BACH2: variants seen among roughly 807,000 people sequenced by gnomAD.
BACH2 encodes transcription regulator protein BACH2.
In BACH2, 5 loss-of-function variants were observed where a neutral mutation model predicts 61.8. That is an observed-to-expected ratio of 0.08 (90% CI 0.04 to 0.17). The LOEUF (loss-of-function observed/expected upper bound fraction) is 0.17, where lower values mean the gene tolerates loss of function less well. Ranked by LOEUF, BACH2 falls within the 10% of genes least tolerant of loss-of-function variation. BACH2 has a pLI of 1.00. For missense variants in BACH2, 824 were observed against 1,091.1 expected, an observed-to-expected ratio of 0.76 and a Z score of 3.45; for synonymous variants, 446 against 440.1, an observed-to-expected ratio of 1.01 and a Z score of -0.17.
intron 3 of BACH2, among the ~76,000 whole-genome samples, chr6:90,213,500 C>T (rs1425943457): frequency 6.6e-6 from 1 of 152,146 alleles, no homozygotes; most frequent in Non-Finnish European, 1.5e-5. Flanking sequence ...TAGGGCTTCA[C>T]TGCCCACAGA....
At chr6:89,983,535 G>A (rs1440872097) in intron 6 of BACH2, among the ~76,000 whole-genome samples, 1 of 152,152 alleles carries the variant, frequency 6.6e-6, no homozygotes, top group Non-Finnish European at 1.5e-5. Context: ...CGGGTGTGGT[G>A]GCAGGCATCT....
intron 4 of BACH2, among the ~76,000 whole-genome samples, chr6:90,139,185 G>A (rs929439051): frequency 1.3e-5 from 2 of 152,086 alleles, no homozygotes; most frequent in Non-Finnish European, 2.9e-5. Context: ...TATGCCCATG[G>A]CTAAAATCTG....
At position 89,932,536 on chromosome 6, in the gene BACH2, C is replaced by G. The variant is rs925306997; in HGVS notation, c.2398G>C (p.Asp800His). The change falls in exon 9 of 9, where the codon GAC becomes CAC. Residue 800 changes from aspartate to histidine, a missense_variant. By Grantham distance (81) the Asp-to-His change is moderately conservative. Transcript: ENST00000257749. ...CTSGRRLEGT[D>H]PGTFSERGPP... The stretch of plus-strand genomic sequence containing the variant: ...CCTCTCTCTGAGAAGGTTCCCGGGT[C>G]AGTGCCTTCTAGTCTCCTCCCAGAG... 1 of 1,614,064 alleles carries G rather than the reference C, an allele frequency of 6.2e-7. No homozygotes were observed. The highest frequency in any genetic ancestry group is 8.5e-7 in the Non-Finnish European group (1 of 1,180,010).
intron 4 of BACH2, among the ~76,000 whole-genome samples, chr6:90,131,922 T>C (rs1443114882): frequency 1.3e-5 from 2 of 152,210 alleles, no homozygotes; most frequent in African/African-American, 2.4e-5. Context: ...CTAAATTAAG[T>C]GGAAACAGAG....
chr6:90,193,553 G>A (rs1768651423), intron 4 of BACH2, among the ~76,000 whole-genome samples: 1 of 152,176 alleles, frequency 6.6e-6, no homozygotes, highest in Non-Finnish European at 1.5e-5. Flanking sequence ...AAGCCACCCA[G>A]TCTGTGGTAC....
At chr6:89,939,463 C>T (rs1773261167) in intron 7 of BACH2, among the ~76,000 whole-genome samples, 1 of 152,112 alleles carries the variant, frequency 6.6e-6, no homozygotes, top group African/African-American at 2.4e-5. Flanking sequence ...TGTTTTAGGT[C>T]ATTAAGTTTT....
chr6:90,250,216 C>T (rs1329091857), intron 3 of BACH2, among the ~76,000 whole-genome samples: 2 of 152,150 alleles, frequency 1.3e-5, no homozygotes, highest in African/African-American at 4.8e-5. Flanking sequence ...ATTTAAAAAG[C>T]GAATCCTGTT....
chr6:90,069,951 A>G lies in BACH2; in HGVS notation c.-13+19010T>C, dbSNP rs1299112875. On this transcript the variant is annotated intron_variant, in intron 5 of 8. Coordinates refer to ENST00000257749, the MANE Select transcript of BACH2 (RefSeq NM_021813.4). ...AACCTTCGGAGAACTTGACTGGCAGAGGTGGGTGAGAAAGGACACTCCTCT... is the reference window on the plus strand; with the variant it reads ...AACCTTCGGAGAACTTGACTGGCAGGGGTGGGTGAGAAAGGACACTCCTCT... Among the ~76,000 whole-genome samples, 4 of 152,156 alleles carry G rather than the reference A, an allele frequency of 2.6e-5. No homozygotes were observed. In the East Asian group the frequency reaches 7.7e-4, roughly 29 times the overall value.
intron 6 of BACH2, among the ~76,000 whole-genome samples, chr6:90,005,214 A>C (rs1345146367): frequency 6.6e-6 from 1 of 151,718 alleles, no homozygotes; most frequent in African/African-American, 2.4e-5. Context: ...TGGGGGGAGG[A>C]GTGGCAGTTT....
intron 4 of BACH2, among the ~76,000 whole-genome samples, chr6:90,115,720 A>G (rs1319472806): frequency 6.6e-6 from 1 of 152,212 alleles, no homozygotes; most frequent in Non-Finnish European, 1.5e-5. Context: ...AATTATCAAT[A>G]GAGTAAACAG....
At chr6:90,122,012 T>G (rs1321965681) in intron 4 of BACH2, among the ~76,000 whole-genome samples, 1 of 152,206 alleles carries the variant, frequency 6.6e-6, no homozygotes, top group African/African-American at 2.4e-5. Flanking sequence ...CCCTTCCAAG[T>G]AAGAAAGGCT....
intron 6 of BACH2, among the ~76,000 whole-genome samples, chr6:89,969,799 A>C (rs1775260828): frequency 6.6e-6 from 1 of 152,196 alleles, no homozygotes; most frequent in South Asian, 2.1e-4. Flanking sequence ...GGAGCAAAAC[A>C]GATGGAAGAG....
chr6:90,135,469 T>C (rs1784240331), intron 4 of BACH2, among the ~76,000 whole-genome samples: 1 of 152,202 alleles, frequency 6.6e-6, no homozygotes, highest in Non-Finnish European at 1.5e-5. Flanking sequence ...AGCTCGCACC[T>C]GTAATCCCGG....
At chr6:90,050,804 C>G (rs1780008320) in intron 5 of BACH2, among the ~76,000 whole-genome samples, 1 of 150,350 alleles carries the variant, frequency 6.7e-6, no homozygotes, top group Non-Finnish European at 1.5e-5. Context: ...GAATCTTGCT[C>G]TGTCGCCCAG....
At chr6:90,124,293 G>A (rs1783759101) in intron 4 of BACH2, among the ~76,000 whole-genome samples, 1 of 152,154 alleles carries the variant, frequency 6.6e-6, no homozygotes, top group South Asian at 2.1e-4. Flanking sequence ...GATGCATTAT[G>A]AAGTATTAAA....
chr6:90,018,725 G>A (rs1778208768), intron 5 of BACH2, among the ~76,000 whole-genome samples: 1 of 152,270 alleles, frequency 6.6e-6, no homozygotes, highest in African/African-American at 2.4e-5. Context: ...CCTCTGTGAA[G>A]AATTATTAGT....
At chr6:90,257,706 T>C (rs1214851393) in intron 2 of BACH2, among the ~76,000 whole-genome samples, 1 of 152,204 alleles carries the variant, frequency 6.6e-6, no homozygotes, top group Non-Finnish European at 1.5e-5. Flanking sequence ...TCCCAATCTG[T>C]AGGCTGCTAC....
intron 5 of BACH2, among the ~76,000 whole-genome samples, chr6:90,016,137 C>CT (rs1778047180): frequency 6.6e-6 from 1 of 151,824 alleles, no homozygotes; most frequent in Admixed American, 6.6e-5. Flanking sequence ...TTCTTTTAAC[C>CT]TTTTTGTGTT....
At chr6:89,986,214 TCTGAG>T (rs1228846535) in intron 6 of BACH2, among the ~76,000 whole-genome samples, 1 of 148,366 alleles carries the variant, frequency 6.7e-6, no homozygotes, top group African/African-American at 2.6e-5. Context: ...TGTGTTAAAG[TCTGAG>T]TTTTTTTTTT....
Sources: gnomAD v4.1 joint callset for allele counts (sites outside exome capture counted in the v4.1 genomes callset) on GRCh38, gnomAD v4.1.1 for gene constraint, MANE v1.5 for transcripts, NCBI Gene and HGNC (gene_info 2026-07-23, HGNC 2026-07-21) for gene names.